Variants in ADAD1 observed in about 807,000 individuals in gnomAD.
ADAD1 encodes adenosine deaminase domain containing 1.
A neutral mutation model predicts 66.8 loss-of-function variants in ADAD1; 46 were observed. The ratio of observed to expected loss-of-function variants is 0.69; its 90% CI spans 0.54 to 0.88. The LOEUF (loss-of-function observed/expected upper bound fraction) is 0.88, where lower values mean the gene tolerates loss of function less well. Ranked by LOEUF, ADAD1 falls within the 40% of genes least tolerant of loss-of-function variation. ADAD1 has a pLI of 0.00. For synonymous variants in ADAD1, 248 were observed against 229.4 expected (o/e 1.08, Z -0.73); for missense variants, 617 against 681.8 (o/e 0.91, Z 1.06).
intron 7 of ADAD1, among the ~76,000 whole-genome samples, chr4:122,402,326 A>G (rs1279406940): frequency 6.6e-6 from 1 of 152,174 alleles, no homozygotes; most frequent in Non-Finnish European, 1.5e-5. Flanking sequence ...TAAGACCCCA[A>G]TCCCTTCTGA....
chr4:122,385,459 G>A (rs1795129113), intron 5 of ADAD1, among the ~76,000 whole-genome samples: 1 of 152,068 alleles, frequency 6.6e-6, no homozygotes, highest in South Asian at 2.1e-4. Flanking sequence ...TTTTAGTAGA[G>A]ATGGGGTTTC....
At position 122,408,581 on chromosome 4, in the gene ADAD1, C is replaced by T. The variant is rs550388411; in HGVS notation, c.848+550C>T. ...GTGAGCCACCGCACCCGGCCAAACT[C>T]AGTTTTAAGAATCCTGCAATCAGCT... On this transcript the variant is annotated intron_variant, in intron 8 of 12. Coordinates refer to ENST00000296513, the MANE Select transcript of ADAD1 (RefSeq NM_139243.4). 2.6e-5 allele frequency among the ~76,000 whole-genome samples: 4 copies of T among 152,242 alleles called. No homozygotes were observed. In the East Asian group the frequency reaches 7.8e-4, roughly 30 times the overall value.
At chr4:122,395,289 G>A (rs926829448) in intron 6 of ADAD1, among the ~76,000 whole-genome samples, 10 of 152,098 alleles carry the variant, frequency 6.6e-5, no homozygotes, top group South Asian at 2.1e-4. Flanking sequence ...GACCTCAAGC[G>A]ATCCACCTCC....
chr4:122,420,492 A>G (rs1273823862), intron 11 of ADAD1, among the ~76,000 whole-genome samples: 2 of 152,236 alleles, frequency 1.3e-5, no homozygotes, highest in Non-Finnish European at 2.9e-5. Flanking sequence ...GAATTATCAC[A>G]CTGTCTATTG....
In ADAD1 at chr4:122,400,378, C is replaced by G. The variant is rs146088331; in HGVS notation, c.724+4001C>G. ...AACCCACTTGATCATGGTATATGAT[C>G]TTTTTATGCTCTTGGATTCAGTTAG... On this transcript the variant is annotated intron_variant, in intron 7 of 12. Transcript: ENST00000296513. Among the ~76,000 whole-genome samples, 120 of 152,034 alleles carry G rather than the reference C, an allele frequency of 7.9e-4. 2 individuals are homozygous for G. The East Asian group carries it at 0.022, about 28-fold the overall frequency.
chr4:122,392,624 A>T (rs1401981426), intron 5 of ADAD1, among the ~76,000 whole-genome samples: 1 of 152,196 alleles, frequency 6.6e-6, no homozygotes, highest in Non-Finnish European at 1.5e-5. Context: ...AGGTGATGGA[A>T]TCCATACTCT....
At chr4:122,415,310 C>A in intron 10 of ADAD1, 69 bp from the exon 11 acceptor site, 3 of 1,256,560 alleles carry the variant, frequency 2.4e-6, no homozygotes, top group Non-Finnish European at 3.4e-6. Context: ...GATTTCCAAT[C>A]ATTTCATTTA....
At chr4:122,419,585 A>G (rs148915595) in intron 11 of ADAD1, among the ~76,000 whole-genome samples, 1 of 152,158 alleles carries the variant, frequency 6.6e-6, no homozygotes, top group Non-Finnish European at 1.5e-5. Context: ...TACAGACCAA[A>G]CTCACCTATA....
rs1165526580 is a variant in ADAD1, at chr4:122,391,050, T to G, written c.530-2539T>G. On this transcript the variant is annotated intron_variant, in intron 5 of 12. Transcript: ENST00000296513. ...CTTGGATAGGGTTTTTGTGGGGAGC[T>G]TTTTTGTTCTTGTTGATGCTATTGT... 2.6e-5 allele frequency among the ~76,000 whole-genome samples: 4 copies of G among 152,186 alleles called. No homozygotes were observed. In the East Asian group the frequency reaches 7.7e-4, roughly 29 times the overall value.
intron 12 of ADAD1, 99 bp downstream of exon 12, chr4:122,421,489 C>A: frequency 8.9e-7 from 1 of 1,127,520 alleles, no homozygotes; most frequent in Non-Finnish European, 1.2e-6. Context: ...TTGTTGAATA[C>A]TTCCTGAATA....
intron 12 of ADAD1, among the ~76,000 whole-genome samples, chr4:122,425,670 GAATTTATATTGTATTA>G (rs1381228359): frequency 2.6e-4 from 39 of 151,490 alleles, no homozygotes; most frequent in African/African-American, 9.0e-4. Flanking sequence ...TATTTACATT[GAATTTATATTGTATTA>G]GGTATTATAA....
intron 9 of ADAD1, 73 bp from the exon 10 acceptor site, chr4:122,412,507 C>A: frequency 8.3e-7 from 1 of 1,203,652 alleles, no homozygotes; most frequent in Non-Finnish European, 1.2e-6. Flanking sequence ...TACAGAACAG[C>A]TGTTAGGTAC....
intron 7 of ADAD1, among the ~76,000 whole-genome samples, chr4:122,397,868 G>A (rs1795789240): frequency 6.6e-6 from 1 of 152,138 alleles, no homozygotes; most frequent in Non-Finnish European, 1.5e-5. Context: ...AATAAATGTA[G>A]TTTTAGATAA....
intron 5 of ADAD1, 59 bp from the exon 6 acceptor site, chr4:122,393,530 T>C: frequency 6.9e-7 from 1 of 1,450,240 alleles, no homozygotes; most frequent in Non-Finnish European, 9.2e-7. Context: ...ATAAAAGAAA[T>C]ACCAGCTCTT....
intron 9 of ADAD1, 80 bp downstream of exon 9, chr4:122,411,472 A>T (rs1796464182): frequency 1.5e-6 from 2 of 1,352,354 alleles, no homozygotes; most frequent in East Asian, 5.0e-5. Context: ...CAAATAGAAC[A>T]TATAAATTCT....
At chr4:122,427,146 T>G (rs917402763) in intron 12 of ADAD1, among the ~76,000 whole-genome samples, 1 of 152,168 alleles carries the variant, frequency 6.6e-6, no homozygotes. Flanking sequence ...TCACAAGATA[T>G]AAGAGCAATA....
intron 5 of ADAD1, among the ~76,000 whole-genome samples, chr4:122,386,973 G>T (rs1580740579): frequency 6.6e-6 from 1 of 152,304 alleles, no homozygotes; most frequent in Non-Finnish European, 1.5e-5. Context: ...GTAGCATGAT[G>T]CCTCCAGCTT....
At position 122,386,944 on chromosome 4, in the gene ADAD1, T is replaced by C. The variant is rs186785594; in HGVS notation, c.529+2978T>C. Among the ~76,000 whole-genome samples the C allele has an allele frequency of 7.5e-3, 1,144 of 152,356 alleles. 12 individuals carry two copies. The highest frequency in any genetic ancestry group is 0.029 in the South Asian group (139 of 4,832). On this transcript the variant is annotated intron_variant, in intron 5 of 12. Transcript: ENST00000296513. ...TGCTGTTTTGGTTACTGTATTCTTG[T>C]AGTATAGTTTGAAGTCAGGTAGCAT...
chr4:122,429,428 A>G (rs80118980), intron 12 of ADAD1, among the ~76,000 whole-genome samples, 198 bp from the exon 13 acceptor site: 1 of 152,034 alleles, frequency 6.6e-6, no homozygotes, highest in East Asian at 1.9e-4. Context: ...TCTTAGGAAA[A>G]AAAAAAAAAG....
Sources: allele counts gnomAD v4.1 joint callset (sites outside exome capture counted in the v4.1 genomes callset), GRCh38; gene constraint gnomAD v4.1.1; transcripts MANE v1.5; gene names NCBI Gene and HGNC (gene_info 2026-07-23, HGNC 2026-07-21).